CCDC73: variants seen among roughly 807,000 people sequenced by gnomAD.
CCDC73 encodes the protein coiled-coil domain-containing protein 73.
A neutral mutation model predicts 116.5 loss-of-function variants in CCDC73; 95 were observed. The observed-to-expected ratio is 0.82, with a 90% confidence interval of 0.69 to 0.97. CCDC73 has a LOEUF of 0.97. Among genes scored for constraint, CCDC73 ranks in the 50% least tolerant of loss-of-function variants. The pLI, the probability that CCDC73 is intolerant of heterozygous loss-of-function variation, is 0.00. For missense variants in CCDC73, 1,066 were observed against 1,206.8 expected (o/e 0.88, Z 1.73); for synonymous variants, 398 against 401.3 (o/e 0.99, Z 0.10).
intron 12 of CCDC73, among the ~76,000 whole-genome samples, chr11:32,652,398 T>C (rs950650414): frequency 6.6e-6 from 1 of 152,172 alleles, no homozygotes; most frequent in Non-Finnish European, 1.5e-5. Flanking sequence ...TATCACATTT[T>C]ACTTTACTGG....
At chr11:32,666,723 G>T (rs866877736) in intron 9 of CCDC73, among the ~76,000 whole-genome samples, 1 of 152,178 alleles carries the variant, frequency 6.6e-6, no homozygotes, top group Non-Finnish European at 1.5e-5. Context: ...CCTTTGGAGG[G>T]GGAGAGGTAC....
chr11:32,755,156 G>A (rs1470346329), intron 2 of CCDC73, among the ~76,000 whole-genome samples: 2 of 149,048 alleles, frequency 1.3e-5, no homozygotes, highest in African/African-American at 4.9e-5. Flanking sequence ...AAAGTGCTGG[G>A]ATTACAGGTG....
intron 1 of CCDC73, among the ~76,000 whole-genome samples, chr11:32,782,691 ACT>A (rs1850593966): frequency 6.6e-6 from 1 of 151,962 alleles, no homozygotes; most frequent in African/African-American, 2.4e-5. Context: ...TATTACTAAC[ACT>A]CTTTTAAAAA....
intron 1 of CCDC73, among the ~76,000 whole-genome samples, chr11:32,787,066 T>G (rs1312351063): frequency 1.3e-5 from 2 of 152,208 alleles, no homozygotes; most frequent in Non-Finnish European, 2.9e-5. Context: ...CTCCAGTGAT[T>G]CACTTCAGCA....
chr11:32,712,277 G>A (rs1045538820), intron 3 of CCDC73, among the ~76,000 whole-genome samples: 2 of 152,082 alleles, frequency 1.3e-5, no homozygotes, highest in Admixed American at 6.6e-5. Flanking sequence ...GGAGGCCTGG[G>A]GTGGAGGGAA....
chr11:32,718,848 A>G (rs1395519836), intron 2 of CCDC73, among the ~76,000 whole-genome samples: 2 of 152,284 alleles, frequency 1.3e-5, no homozygotes, highest in East Asian at 3.9e-4. Flanking sequence ...CAGTTCTTTC[A>G]TTGTGGGAGG....
intron 6 of CCDC73, among the ~76,000 whole-genome samples, chr11:32,683,809 G>C (rs982053306): frequency 6.6e-6 from 1 of 152,132 alleles, no homozygotes; most frequent in Non-Finnish European, 1.5e-5. Flanking sequence ...TTCTAGTGGG[G>C]GTGGTGATAG....
At chr11:32,825,206 G>T in the CCDC73 span, among the ~76,000 whole-genome samples, 1 of 150,934 alleles carries the variant, frequency 6.6e-6, no homozygotes, top group South Asian at 2.1e-4. Flanking sequence ...GATCCTGGTT[G>T]GTATATTTCC....
chr11:32,609,962 T>G (rs1378894035), intron 17 of CCDC73, among the ~76,000 whole-genome samples: 3 of 150,474 alleles, frequency 2.0e-5, no homozygotes, highest in East Asian at 3.9e-4. Context: ...TTTTTTTTTT[T>G]GTATTTTTAG....
chr11:32,608,264 C>G (rs1163846298), intron 17 of CCDC73, among the ~76,000 whole-genome samples: 3 of 152,168 alleles, frequency 2.0e-5, no homozygotes, highest in Non-Finnish European at 4.4e-5. Flanking sequence ...TGAGACAAGG[C>G]AAGTCCCTTC....
intron 16 of CCDC73, among the ~76,000 whole-genome samples, chr11:32,613,059 A>C (rs899842653): frequency 6.6e-6 from 1 of 152,204 alleles, no homozygotes; most frequent in African/African-American, 2.4e-5. Flanking sequence ...AAACAGAAGG[A>C]AGAGCCGGAT....
At chr11:32,683,717 C>T (rs1856169100) in intron 6 of CCDC73, 143 bp from the exon 7 acceptor site, 1 of 564,782 alleles carries the variant, frequency 1.8e-6, no homozygotes, top group South Asian at 2.1e-5. Flanking sequence ...ATTTATGGCA[C>T]CTACTATATG....
At chr11:32,740,783 TTTC>T (rs1565090088) in intron 2 of CCDC73, among the ~76,000 whole-genome samples, 1 of 152,048 alleles carries the variant, frequency 6.6e-6, no homozygotes, top group Admixed American at 6.6e-5. Context: ...ATTTGAAGTT[TTTC>T]TTTTTTTTTG....
chr11:32,805,850 G>A, the CCDC73 span, among the ~76,000 whole-genome samples: 1,578 of 152,234 alleles, frequency 0.01, 26 homozygotes, highest in African/African-American at 0.036. Context: ...GACTCAACTG[G>A]AGCTGACCAG....
intron 14 of CCDC73, among the ~76,000 whole-genome samples, chr11:32,633,164 C>T (rs542561066): frequency 1.3e-5 from 2 of 152,174 alleles, no homozygotes; most frequent in African/African-American, 4.8e-5. Context: ...AGGGATTCCC[C>T]TGCCTCAGCC....
chr11:32,613,800 A>G lies in CCDC73; in HGVS notation c.2518T>C (p.Leu840=), dbSNP rs771841535. The change falls in exon 16 of 18, where the codon TTA becomes CTA. Residue 840 remains leucine, a synonymous_variant. Coordinates refer to ENST00000335185, the MANE Select transcript of CCDC73 (RefSeq NM_001008391.4). ...GATTCTGTTTTCTCTGTATTATTTA[A>G]CAATGTATGCTGTCTTTCATTAATG... is the stretch of plus-strand genomic sequence containing the variant. ...VSINERQHTL[L]NNTEKTESLN... is the part of the protein sequence containing the mutation. The G allele has an allele frequency of 6.2e-7, 1 of 1,613,714 alleles. No homozygotes were observed. Among genetic ancestry groups the G allele is most frequent in the Non-Finnish European group, 8.5e-7 (1 of 1,179,956 alleles).
Position 32,727,354 on chromosome 11 carries a change from G to A in CCDC73, c.136-9207C>T, listed in dbSNP as rs1010401823. Among the ~76,000 whole-genome samples, 4 of 152,142 alleles carry A rather than the reference G, an allele frequency of 2.6e-5. No individual in the cohort carries two copies. In the South Asian group the frequency reaches 6.2e-4, roughly 24 times the overall value. On this transcript the variant is annotated intron_variant, in intron 2 of 17. Coordinates refer to ENST00000335185, the MANE Select transcript of CCDC73 (RefSeq NM_001008391.4). ...TACATATTCTAGTCATTAGAAACAAGTCACTTATTCCACAATAGGGTGGGG... is the reference window on the plus strand; with the variant it reads ...TACATATTCTAGTCATTAGAAACAAATCACTTATTCCACAATAGGGTGGGG...
chr11:32,679,687 G>T (rs935692889), intron 7 of CCDC73, among the ~76,000 whole-genome samples: 2 of 151,978 alleles, frequency 1.3e-5, no homozygotes, highest in South Asian at 2.1e-4. Flanking sequence ...TTTGATTTTT[G>T]ATTCTAATCA....
intron 6 of CCDC73, among the ~76,000 whole-genome samples, chr11:32,687,508 T>C (rs77618347): frequency 0.035 from 5,358 of 152,206 alleles, 109 homozygotes; most frequent in Non-Finnish European, 0.047. Context: ...AGATTTCTCA[T>C]TGAAAGATAA....
Sources: gnomAD v4.1 joint callset for allele counts (sites outside exome capture counted in the v4.1 genomes callset) on GRCh38, gnomAD v4.1.1 for gene constraint, MANE v1.5 for transcripts, NCBI Gene and HGNC (gene_info 2026-07-23, HGNC 2026-07-21) for gene names.